OPHN1: variants seen among roughly 807,000 people sequenced by gnomAD.
OPHN1 encodes the protein oligophrenin 1.
In OPHN1, 11 loss-of-function variants were observed where a neutral mutation model predicts 60.7. That is an observed-to-expected ratio of 0.18 (90% CI 0.11 to 0.30). The LOEUF (loss-of-function observed/expected upper bound fraction) is 0.30, where lower values mean the gene tolerates loss of function less well. Ranked by LOEUF, OPHN1 falls within the 10% of genes least tolerant of loss-of-function variation. The pLI is 1.00. For missense variants in OPHN1, 449 were observed against 611.0 expected, an observed-to-expected ratio of 0.73 and a Z score of 2.80; for synonymous variants, 226 against 222.6, an observed-to-expected ratio of 1.02 and a Z score of -0.14.
At chrX:68,226,594 G>GAATTTTC (rs1441834027) in intron 6 of OPHN1, among the ~76,000 whole-genome samples, 2 of 111,603 alleles carry the variant, frequency 1.8e-5, no homozygotes, top group Non-Finnish European at 3.8e-5. Context: ...TTAATGAAAA[G>GAATTTTC]AATTTTCAAC....
intron 15 of OPHN1, among the ~76,000 whole-genome samples, chrX:68,134,774 G>A (rs757685186): frequency 3.6e-5 from 4 of 110,438 alleles, no homozygotes; most frequent in East Asian, 2.9e-4. Context: ...CTTTGGTGAG[G>A]TTCTCCCAAA....
At chrX:68,372,695 C>T (rs2078535520) in intron 2 of OPHN1, among the ~76,000 whole-genome samples, 1 of 110,489 alleles carries the variant, frequency 9.1e-6, no homozygotes, top group Non-Finnish European at 1.9e-5. Context: ...ATTTGTTTTG[C>T]CACATCTGGA....
chrX:68,193,134 A>G, intron 14 of OPHN1, 141 bp from the exon 15 acceptor site: 1 of 517,056 alleles, frequency 1.9e-6, no homozygotes, highest in Admixed American at 2.7e-5. Flanking sequence ...ACAGGGGAAT[A>G]GTCCTACAGC....
chrX:68,294,357 C>T (rs1024202062), intron 3 of OPHN1, among the ~76,000 whole-genome samples: 3 of 107,468 alleles, frequency 2.8e-5, no homozygotes, highest in African/African-American at 1.0e-4. Context: ...CCTGTAATCC[C>T]AGCTACTCGG....
rs745521652 is a variant in OPHN1 at position 68,144,987 on chromosome X, T to C, written c.1277-25655A>G. ...TTGTGGAAGATCATATTATTAGAAA[T>C]GTACAATGCTTTGCAGGTTTTCTAG... On this transcript the variant is annotated intron_variant, in intron 15 of 24. Transcript: ENST00000355520. 5.4e-5 allele frequency among the ~76,000 whole-genome samples: 6 copies of C among 111,674 alleles called. No homozygotes were observed. In the East Asian group the frequency reaches 1.4e-3, roughly 26 times the overall value.
chrX:68,319,360 G>A (rs2078224305), intron 2 of OPHN1, among the ~76,000 whole-genome samples: 1 of 111,344 alleles, frequency 9.0e-6, no homozygotes, highest in African/African-American at 3.3e-5. Context: ...GAATTTTTAG[G>A]AGAAAGTTTG....
At chrX:68,141,323 T>C (rs1400111279) in intron 15 of OPHN1, among the ~76,000 whole-genome samples, 1 of 111,567 alleles carries the variant, frequency 9.0e-6, no homozygotes, top group African/African-American at 3.3e-5. Context: ...CTAAGTTGCC[T>C]TTAATTATAA....
chrX:68,264,331 G>A (rs188137163), intron 5 of OPHN1, among the ~76,000 whole-genome samples: 110 of 111,273 alleles, frequency 9.9e-4, no homozygotes, highest in Admixed American at 2.5e-3. Flanking sequence ...CCTACAGAAT[G>A]GGAGAAAATT....
chrX:68,263,453 AT>A lies in OPHN1; in HGVS notation c.384+11284del, dbSNP rs760881894. Among the ~76,000 whole-genome samples, 60 of 111,827 alleles carry A rather than the reference AT, an allele frequency of 5.4e-4. No homozygotes were observed. In the Admixed American group the frequency reaches 5.7e-3, roughly 11 times the overall value. On this transcript the variant is annotated intron_variant, in intron 5 of 24. Transcript: ENST00000355520. ...AGTCCATCGTCAATCGGACAGTTTCATGGAGCACTTTCTATCCTCCCTATTC... is the reference window on the plus strand; with the variant it reads ...AGTCCATCGTCAATCGGACAGTTTCAGGAGCACTTTCTATCCTCCCTATTC...
Position 68,433,378 on chromosome X carries a change from C to G in OPHN1, c.-215G>C. ...GCCTCCGGAGACGGGCCGGATCCTT[C>G]CTGAGCAATTGCAAACGTGACACTT... On this transcript the variant is annotated 5_prime_UTR_variant, in exon 1 of 25. Coordinates refer to ENST00000355520, the MANE Select transcript of OPHN1 (RefSeq NM_002547.3). The G allele has an allele frequency of 3.5e-6, 1 of 288,066 alleles. No homozygotes were observed. The highest frequency in any genetic ancestry group is 6.1e-6 in the Non-Finnish European group (1 of 164,649). The allele number at this position is 288,066 out of a possible 1,213,427, so 23.7% of individuals were successfully genotyped here. A position where few individuals can be genotyped will look rare whatever the true frequency, so the allele number is the denominator to read the frequency against.
chrX:68,206,095 A>G (rs1021775241), intron 10 of OPHN1, among the ~76,000 whole-genome samples: 3 of 109,097 alleles, frequency 2.7e-5, no homozygotes, highest in Non-Finnish European at 5.7e-5. Context: ...GGAGTGAGAG[A>G]AGGTTTGGAG....
Position 68,295,277 on chromosome X carries a change from C to A in OPHN1, c.250+3724G>T, listed in dbSNP as rs1313075713. On this transcript the variant is annotated intron_variant, in intron 3 of 24. Coordinates refer to ENST00000355520, the MANE Select transcript of OPHN1 (RefSeq NM_002547.3). The stretch of plus-strand genomic sequence containing the variant: ...TTAATTTGGGAAATATAATTTCAAA[C>A]CAACACTGTTTTCCACAAATTACCT... Among the ~76,000 whole-genome samples, 3 of 112,146 alleles carry A rather than the reference C, an allele frequency of 2.7e-5. No individual in the cohort carries two copies. In the Admixed American group the frequency reaches 2.8e-4, roughly 11 times the overall value.
chrX:68,358,029 G>A (rs991539769), intron 2 of OPHN1, among the ~76,000 whole-genome samples: 11 of 108,656 alleles, frequency 1.0e-4, no homozygotes, highest in African/African-American at 2.7e-4. Flanking sequence ...AGTGGCTCAC[G>A]CGTATAATCC....
At chrX:68,092,294 ATAT>A (rs1197092475) in intron 19 of OPHN1, among the ~76,000 whole-genome samples, 1 of 112,052 alleles carries the variant, frequency 8.9e-6, no homozygotes, top group African/African-American at 3.2e-5. Context: ...GCTCTCACAC[ATAT>A]TATCTCTTTT....
chrX:68,182,673 G>A (rs1029752626), intron 15 of OPHN1, among the ~76,000 whole-genome samples: 1 of 111,835 alleles, frequency 8.9e-6, no homozygotes, highest in Admixed American at 9.5e-5. Context: ...CACTTTGGGA[G>A]GCCAAGATGG....
chrX:68,153,160 G>A (rs1324353784), intron 15 of OPHN1, among the ~76,000 whole-genome samples: 2 of 103,453 alleles, frequency 1.9e-5, no homozygotes, highest in African/African-American at 7.1e-5. Context: ...GCAGTGAGCC[G>A]AGATCACGCC....
intron 15 of OPHN1, among the ~76,000 whole-genome samples, chrX:68,147,636 C>T (rs1355699854): frequency 9.0e-6 from 1 of 111,275 alleles, no homozygotes; most frequent in Non-Finnish European, 1.9e-5. Context: ...TAAATAAGTT[C>T]ATAAATGCAA....
At chrX:68,150,062 T>C (rs1438880515) in intron 15 of OPHN1, among the ~76,000 whole-genome samples, 1 of 111,656 alleles carries the variant, frequency 9.0e-6, no homozygotes, top group Non-Finnish European at 1.9e-5. Flanking sequence ...TATCACATAT[T>C]ACACACCACA....
intron 3 of OPHN1, among the ~76,000 whole-genome samples, chrX:68,290,061 T>A (rs896021221): frequency 9.0e-6 from 1 of 111,430 alleles, no homozygotes; most frequent in African/African-American, 3.3e-5. Flanking sequence ...TTTAATTAAA[T>A]CTAGCTCTCA....
Sources: allele counts gnomAD v4.1 joint callset (sites outside exome capture counted in the v4.1 genomes callset), GRCh38; gene constraint gnomAD v4.1.1; transcripts MANE v1.5; gene names NCBI Gene and HGNC (gene_info 2026-07-23, HGNC 2026-07-21).